Variants in GRM8 observed in about 807,000 individuals in gnomAD.
The protein encoded by GRM8 is metabotropic glutamate receptor 8.
In GRM8, 47 loss-of-function variants were observed where a neutral mutation model predicts 87.2. The observed-to-expected ratio is 0.54, with a 90% CI of 0.43 to 0.69. GRM8 has a LOEUF of 0.69. Among genes scored for constraint, GRM8 ranks in the 30% least tolerant of loss-of-function variants. The pLI is 0.00. For synonymous variants in GRM8, 396 were observed against 404.5 expected (o/e 0.98, Z 0.25); for missense variants, 1,019 against 1,139.2 (o/e 0.89, Z 1.52).
At chr7:127,199,376 A>G (rs894293218) in intron 2 of GRM8, among the ~76,000 whole-genome samples, 2 of 152,272 alleles carry the variant, frequency 1.3e-5, no homozygotes, top group Admixed American at 1.3e-4. Flanking sequence ...TCACAGATGA[A>G]GAGTTGGTCC....
rs115736112 is a variant in GRM8, at chr7:126,675,517, A to G, written c.1358-66019T>C. On this transcript the variant is annotated intron_variant, in intron 7 of 10. Coordinates refer to ENST00000339582, the MANE Select transcript of GRM8 (RefSeq NM_000845.3). ...ACAAAATACTAGCAAGCTAAATCCA[A>G]TAGCACATCATAAAAATAATTCACC... 7.3e-3 allele frequency among the ~76,000 whole-genome samples: 1,115 copies of G among 152,298 alleles called. 20 individuals carry two copies. Among genetic ancestry groups the G allele is most frequent in the African/African-American group, 0.025 (1,052 of 41,556 alleles).
intron 6 of GRM8, among the ~76,000 whole-genome samples, chr7:126,823,700 C>T (rs988070409): frequency 3.3e-5 from 5 of 152,152 alleles, no homozygotes; most frequent in East Asian, 1.9e-4. Context: ...TTTCATTCTA[C>T]GTTTCTGCAA....
intron 7 of GRM8, among the ~76,000 whole-genome samples, chr7:126,691,464 G>A (rs965405554): frequency 6.6e-6 from 1 of 152,138 alleles, no homozygotes; most frequent in Non-Finnish European, 1.5e-5. Flanking sequence ...CTGCAGTGGT[G>A]CCTGGGGGAG....
At chr7:126,840,055 T>C (rs1209107419) in intron 6 of GRM8, among the ~76,000 whole-genome samples, 1 of 152,186 alleles carries the variant, frequency 6.6e-6, no homozygotes, top group Non-Finnish European at 1.5e-5. Flanking sequence ...TTCACCACCA[T>C]ATATAATAAA....
At chr7:126,618,147 C>A (rs1401717355) in intron 7 of GRM8, among the ~76,000 whole-genome samples, 1 of 152,126 alleles carries the variant, frequency 6.6e-6, no homozygotes, top group Admixed American at 6.5e-5. Context: ...CTACAGTAAC[C>A]AAAACAGCAT....
intron 7 of GRM8, among the ~76,000 whole-genome samples, chr7:126,620,447 A>G (rs1563022050): frequency 6.6e-6 from 1 of 152,180 alleles, no homozygotes. Context: ...GTATATTTTT[A>G]TTCGTAGGCA....
chr7:127,188,607 C>A (rs965291613), intron 2 of GRM8, among the ~76,000 whole-genome samples: 3 of 152,174 alleles, frequency 2.0e-5, no homozygotes, highest in Non-Finnish European at 4.4e-5. Flanking sequence ...TGTACATATA[C>A]TACATTTGAC....
intron 7 of GRM8, among the ~76,000 whole-genome samples, chr7:126,692,928 T>C (rs1808978819): frequency 6.6e-6 from 1 of 152,214 alleles, no homozygotes; most frequent in South Asian, 2.1e-4. Flanking sequence ...GGGCAATTTC[T>C]CTTCACAGCT....
chr7:126,801,158 A>C (rs1226779639), intron 6 of GRM8, among the ~76,000 whole-genome samples: 1 of 152,136 alleles, frequency 6.6e-6, no homozygotes, highest in African/African-American at 2.4e-5. Context: ...TATAACACCT[A>C]TTTTTCACCT....
At chr7:126,756,207 C>A (rs1279845655) in intron 7 of GRM8, among the ~76,000 whole-genome samples, 14 of 151,178 alleles carry the variant, frequency 9.3e-5, no homozygotes, top group Middle Eastern at 3.4e-3. Context: ...CAACCCCATG[C>A]AAAAAAAATA....
rs185981743 is a variant in GRM8 at position 126,867,905 on chromosome 7, T to C, written c.1156+34637A>G. ...TATTTATAAAGTACCTCAATATTAG[T>C]AACAGCTTACAGCAGAAAAAAATAT... On this transcript the variant is annotated intron_variant, in intron 6 of 10. Coordinates refer to ENST00000339582, the MANE Select transcript of GRM8 (RefSeq NM_000845.3). Among the ~76,000 whole-genome samples the C allele has an allele frequency of 2.9e-4, 44 of 152,288 alleles. No individual in the cohort carries two copies. In the East Asian group the frequency reaches 7.5e-3, roughly 26 times the overall value.
chr7:126,759,884 A>G (rs907497987), intron 7 of GRM8, among the ~76,000 whole-genome samples: 2 of 152,196 alleles, frequency 1.3e-5, no homozygotes, highest in African/African-American at 4.8e-5. Flanking sequence ...TTTTTTTATA[A>G]ATGAGGAAAC....
chr7:126,867,040 T>A (rs996233299), intron 6 of GRM8, among the ~76,000 whole-genome samples: 6 of 152,332 alleles, frequency 3.9e-5, no homozygotes, highest in African/African-American at 1.4e-4. Flanking sequence ...TATTAGGGGA[T>A]ATGAGACATC....
intron 9 of GRM8, among the ~76,000 whole-genome samples, chr7:126,469,135 T>C (rs1038511161): frequency 6.6e-6 from 1 of 152,144 alleles, no homozygotes; most frequent in Non-Finnish European, 1.5e-5. Context: ...GGAACTTGTT[T>C]TCCTCACATA....
chr7:126,623,291 A>ATTTTTATTTGGTG, intron 7 of GRM8, among the ~76,000 whole-genome samples: 1 of 152,296 alleles, frequency 6.6e-6, no homozygotes, highest in Non-Finnish European at 1.5e-5. Flanking sequence ...TTATTTTCTT[A>ATTTTTATTTGGTG]AAAAGTCTAA....
chr7:127,114,791 A>C (rs899970725), intron 2 of GRM8, among the ~76,000 whole-genome samples: 6 of 152,348 alleles, frequency 3.9e-5, no homozygotes, highest in African/African-American at 1.4e-4. Flanking sequence ...ATTCATTTGA[A>C]TAGACCATTG....
rs549130378 is a variant in GRM8 at position 126,970,905 on chromosome 7, C to T, written c.728-66222G>A. ...GCATAGGGAGGTCCAAAGAGAGGGACAGAGATGAGGGAATGCCTGGTCAGT... is the reference window on the plus strand; with the variant it reads ...GCATAGGGAGGTCCAAAGAGAGGGATAGAGATGAGGGAATGCCTGGTCAGT... On this transcript the variant is annotated intron_variant, in intron 3 of 10. Transcript: ENST00000339582. Among the ~76,000 whole-genome samples, 9 of 152,016 alleles carry T rather than the reference C, an allele frequency of 5.9e-5. No individual in the cohort carries two copies. The South Asian group carries it at 1.5e-3, about 25-fold the overall frequency.
At chr7:126,591,343 T>C (rs950879167) in intron 8 of GRM8, among the ~76,000 whole-genome samples, 2 of 151,988 alleles carry the variant, frequency 1.3e-5, no homozygotes, top group African/African-American at 4.8e-5. Context: ...CCTAAATATA[T>C]ATACACCTAA....
intron 3 of GRM8, among the ~76,000 whole-genome samples, chr7:127,025,374 C>T (rs953951111): frequency 1.4e-4 from 21 of 152,080 alleles, no homozygotes; most frequent in African/African-American, 4.8e-4. Context: ...AGGAGAAAAG[C>T]TGCATGAAGG....
Sources: allele counts gnomAD v4.1 joint callset (sites outside exome capture counted in the v4.1 genomes callset), GRCh38; gene constraint gnomAD v4.1.1; transcripts MANE v1.5; gene names NCBI Gene and HGNC (gene_info 2026-07-23, HGNC 2026-07-21).